CCDC88C: variants seen among roughly 807,000 people sequenced by gnomAD.
The protein encoded by CCDC88C is coiled-coil and HOOK domain protein 88C, also known as protein Daple.
Under a neutral mutation model 198.8 loss-of-function variants are expected in CCDC88C, and 131 were observed. That is an observed-to-expected ratio of 0.66 (90% confidence interval 0.57 to 0.76). The LOEUF is 0.76. Among genes scored for constraint, CCDC88C ranks in the 30% least tolerant of loss-of-function variants. The pLI, the probability that CCDC88C is intolerant of heterozygous loss-of-function variation, is 0.00. For synonymous variants in CCDC88C, 1,166 were observed against 1,114.7 expected (o/e 1.05, Z -0.92); for missense variants, 2,553 against 2,631.6 (o/e 0.97, Z 0.65).
Position 91,289,219 on chromosome 14 carries a change from C to G in CCDC88C, c.4327G>C (p.Ala1443Pro). The change falls in exon 25 of 30, where the codon GCC becomes CCC. Residue 1443 changes from alanine to proline, a missense_variant. Physicochemically the swap from Ala to Pro is conservative, Grantham distance 27. Coordinates refer to ENST00000389857, the MANE Select transcript of CCDC88C (RefSeq NM_001080414.4). ...AGCGGCTGAGAGGCCGCCGGCGAGG[C>G]GGGGTCTGAGGACTCCAGCTGCCAG... is the stretch of plus-strand genomic sequence containing the variant. Reference protein sequence around the residue: ...PPWQLESSDPASPAASQPLRS... With the variant: ...PPWQLESSDPPSPAASQPLRS... 1 of 1,614,012 alleles carries G rather than the reference C, an allele frequency of 6.2e-7. No homozygotes were observed. Among genetic ancestry groups the G allele is most frequent in the Non-Finnish European group, 8.5e-7 (1 of 1,179,876 alleles).
At chr14:91,330,624 C>T (rs896261407) in intron 10 of CCDC88C, among the ~76,000 whole-genome samples, 4 of 152,008 alleles carry the variant, frequency 2.6e-5, no homozygotes, top group Non-Finnish European at 5.9e-5. Context: ...GGACCTGGGA[C>T]GAGGGGATGG....
chr14:91,316,293 C>A (rs1452370349), intron 13 of CCDC88C, among the ~76,000 whole-genome samples: 1 of 152,232 alleles, frequency 6.6e-6, no homozygotes, highest in Non-Finnish European at 1.5e-5. Flanking sequence ...CAGTGATCTC[C>A]TTGACATCAA....
At chr14:91,332,054 C>T (rs1260713423) in intron 10 of CCDC88C, among the ~76,000 whole-genome samples, 2 of 152,176 alleles carry the variant, frequency 1.3e-5, no homozygotes, top group Non-Finnish European at 2.9e-5. Flanking sequence ...AGCTAGGTCT[C>T]TGCCCCTCGG....
intron 10 of CCDC88C, among the ~76,000 whole-genome samples, chr14:91,332,829 T>C (rs1339144213): frequency 6.6e-6 from 1 of 152,126 alleles, no homozygotes. Flanking sequence ...GATTACCAAG[T>C]GCCTTGTGTG....
intron 14 of CCDC88C, among the ~76,000 whole-genome samples, chr14:91,314,474 CA>C (rs1227660404): frequency 1.3e-5 from 2 of 152,228 alleles, no homozygotes; most frequent in African/African-American, 4.8e-5. Context: ...CCTCTGCTTA[CA>C]CTACTCTCCA....
At chr14:91,399,132 C>T (rs1332915164) in intron 3 of CCDC88C, among the ~76,000 whole-genome samples, 2 of 152,210 alleles carry the variant, frequency 1.3e-5, no homozygotes, top group African/African-American at 4.8e-5. Context: ...CTCCCACCTC[C>T]TTGGCCATGG....
At chr14:91,280,301 TG>T (rs1462452422) in intron 27 of CCDC88C, among the ~76,000 whole-genome samples, 1 of 152,164 alleles carries the variant, frequency 6.6e-6, no homozygotes, top group Non-Finnish European at 1.5e-5. Context: ...TCAGGTTTCC[TG>T]GGTCCACAGG....
rs566646643 is a variant in CCDC88C, at chr14:91,281,296, C to A, written c.4699+161G>T. The A allele has an allele frequency of 1.2e-5, 18 of 1,518,938 alleles. No individual in the cohort carries two copies. In the African/African-American group the frequency reaches 1.5e-4, roughly 13 times the overall value. The allele number at this position is 1,518,938 out of a possible 1,614,324, so 94.1% of individuals were successfully genotyped here. On this transcript the variant is annotated intron_variant, in intron 27 of 29. Transcript: ENST00000389857. ...ACTGGAGGTATGTAAGTAGAAGCTA[C>A]ACGCTCAGCCCCCTGGGGAGGGGAA...
intron 3 of CCDC88C, among the ~76,000 whole-genome samples, chr14:91,391,704 A>C (rs927858845): frequency 6.6e-6 from 1 of 152,048 alleles, no homozygotes; most frequent in African/African-American, 2.4e-5. Context: ...GCTTGATCCC[A>C]GGGGGCTGAG....
At chr14:91,382,930 CAT>C (rs1444823614) in intron 3 of CCDC88C, among the ~76,000 whole-genome samples, 3 of 152,178 alleles carry the variant, frequency 2.0e-5, no homozygotes, top group Non-Finnish European at 4.4e-5. Context: ...CTGTGACCCT[CAT>C]CCTACTTACC....
Position 91,272,716 on chromosome 14 carries a change from C to T in CCDC88C, c.5996G>A (p.Cys1999Tyr), listed in dbSNP as rs1191407926. Residue 1999 changes from cysteine to tyrosine, a missense_variant, in exon 30 of 30, where the codon TGC becomes TAC. Physicochemically the swap from Cys to Tyr is radical, Grantham distance 194 (BLOSUM62 -2). Coordinates refer to ENST00000389857, the MANE Select transcript of CCDC88C (RefSeq NM_001080414.4). ...APHLGRALED[C>Y]SRGSVSKSSP... ...GCTCTTTGAGACGCTCCCTCGACTG[C>T]AGTCCTCCAGGGCCCGGCCGAGGTG... 1.2e-6 allele frequency: 2 copies of T among 1,610,968 alleles called. No homozygotes were observed. Among genetic ancestry groups the T allele is most frequent in the Non-Finnish European group, 1.7e-6 (2 of 1,179,698 alleles).
chr14:91,401,050 A>G (rs568236744), intron 3 of CCDC88C, among the ~76,000 whole-genome samples: 19 of 151,586 alleles, frequency 1.3e-4, no homozygotes, highest in Non-Finnish European at 2.6e-4. Context: ...AAGCTTTCTC[A>G]CTGCCTGGTA....
chr14:91,304,913 C>T (rs1891494812), intron 19 of CCDC88C, among the ~76,000 whole-genome samples: 2 of 152,162 alleles, frequency 1.3e-5, no homozygotes, highest in Admixed American at 6.5e-5. Flanking sequence ...ATTGTCCTTG[C>T]CCCATAAGAT....
chr14:91,357,246 A>C (rs1331799880), intron 4 of CCDC88C, among the ~76,000 whole-genome samples: 1 of 152,148 alleles, frequency 6.6e-6, no homozygotes, highest in Non-Finnish European at 1.5e-5. Context: ...CATTCCTTTA[A>C]ATACAAATTT....
rs529338563 is a variant in CCDC88C, at chr14:91,393,484, G to A, written c.270+15175C>T. Among the ~76,000 whole-genome samples, 18 of 152,288 alleles carry A rather than the reference G, an allele frequency of 1.2e-4. 1 individual carries two copies. The East Asian group carries it at 2.3e-3, about 20-fold the overall frequency. On this transcript the variant is annotated intron_variant, in intron 3 of 29. Transcript: ENST00000389857. ...CCCAGACGGCCCACACCTCAGCCCCGATCTGGCTTCCTCTGAAGGTCTGGA... is the reference window on the plus strand; with the variant it reads ...CCCAGACGGCCCACACCTCAGCCCCAATCTGGCTTCCTCTGAAGGTCTGGA...
chr14:91,353,350 G>A (rs1422163431), intron 4 of CCDC88C, among the ~76,000 whole-genome samples: 4 of 152,172 alleles, frequency 2.6e-5, no homozygotes, highest in African/African-American at 4.8e-5. Context: ...CAGCCCCCTT[G>A]CACTGGCTGT....
At chr14:91,330,553 C>G (rs975915061) in intron 10 of CCDC88C, among the ~76,000 whole-genome samples, 5 of 152,178 alleles carry the variant, frequency 3.3e-5, no homozygotes, top group Non-Finnish European at 7.3e-5. Flanking sequence ...CTTCAACACC[C>G]GCCTCCGGAC....
In CCDC88C at chr14:91,297,464, C is replaced by T; in HGVS notation, c.3807G>A (p.Lys1269=). ...GGGCGTGCAGCTCCTCGTACTCCCC[C>T]TTCAGCTGGTGGTGCAGGAAATTGA... is the stretch of plus-strand genomic sequence containing the variant. ...DRVNFLHHQL[K]GEYEELHAHT... Residue 1269 remains lysine (K), a synonymous_variant, in exon 22 of 30, where the codon AAG becomes AAA. Coordinates refer to ENST00000389857, the MANE Select transcript of CCDC88C (RefSeq NM_001080414.4). 2.6e-6 allele frequency: 4 copies of T among 1,566,880 alleles called. No individual in the cohort carries two copies. The highest frequency in any genetic ancestry group is 3.5e-6 in the Non-Finnish European group (4 of 1,155,510).
At position 91,289,198 on chromosome 14, in the gene CCDC88C, G is replaced by A; in HGVS notation, c.4348C>T (p.Pro1450Ser). 1 of 1,613,994 alleles carries A rather than the reference G, an allele frequency of 6.2e-7. No homozygotes were observed. Among genetic ancestry groups the A allele is most frequent in the Non-Finnish European group, 8.5e-7 (1 of 1,179,878 alleles). Residue 1450 changes from proline to serine, a missense_variant, in exon 25 of 30, where the codon CCG becomes TCG. Physicochemically the swap from Pro to Ser is moderately conservative, Grantham distance 74 (BLOSUM62 -1). Transcript: ENST00000389857. ...GGGTTCTCGGCCTGTGATCTGAGCG[G>A]CTGAGAGGCCGCCGGCGAGGCGGGG... Reference protein sequence around the residue: ...SDPASPAASQPLRSQAENPDT... With the variant: ...SDPASPAASQSLRSQAENPDT...
Sources: allele counts gnomAD v4.1 joint callset (sites outside exome capture counted in the v4.1 genomes callset), GRCh38; gene constraint gnomAD v4.1.1; transcripts MANE v1.5; gene names NCBI Gene and HGNC (gene_info 2026-07-23, HGNC 2026-07-21).